Variants in GET1 observed in about 807,000 individuals in gnomAD.
GET1 encodes the protein congenital heart disease 5 protein.
Under a neutral mutation model 22.6 loss-of-function variants are expected in GET1, and 20 were observed. The observed-to-expected ratio is 0.89, with a 90% CI of 0.62 to 1.29. GET1 has a LOEUF of 1.29. Ranked by LOEUF, GET1 falls within the 50% of genes most tolerant of loss-of-function variation. GET1 has a pLI of 0.00. For synonymous variants in GET1, 92 were observed against 83.8 expected (o/e 1.10, Z -0.53); for missense variants, 209 against 219.9 (o/e 0.95, Z 0.31).
chr21:39,406,650 A>T, downstream of GET1: 1 of 1,465,400 alleles, frequency 6.8e-7, no homozygotes, highest in Non-Finnish European at 9.2e-7. Flanking sequence ...GCTGTTTAAA[A>T]TGAATGGATC....
intron 1 of GET1, among the ~76,000 whole-genome samples, chr21:39,416,894 G>C (rs1411204806): frequency 6.6e-6 from 1 of 152,140 alleles, no homozygotes; most frequent in Non-Finnish European, 1.5e-5. Context: ...ACTTGGAATG[G>C]CTTCTTTCTG....
chr21:39,406,056 T>G, exon 5 of GET1: 1 of 1,614,174 alleles, frequency 6.2e-7, no homozygotes, highest in Non-Finnish European at 8.5e-7. Context: ...CAGGACTTGA[T>G]TGGTCAGTTT....
chr21:39,399,585 T>C (rs1231601756), downstream of GET1, among the ~76,000 whole-genome samples: 3 of 152,078 alleles, frequency 2.0e-5, no homozygotes, highest in African/African-American at 4.8e-5. Flanking sequence ...GCTGGGACTA[T>C]AGGCTTGCAC....
chr21:39,393,354 T>G, intron 4 of GET1, 74 bp downstream of exon 4: 1 of 1,205,958 alleles, frequency 8.3e-7, no homozygotes, highest in Non-Finnish European at 1.2e-6. Flanking sequence ...GAAGATTAAG[T>G]TAGCCTGACA....
chr21:39,420,549 A>G (rs1219863726), intron 1 of GET1, among the ~76,000 whole-genome samples: 2 of 137,120 alleles, frequency 1.5e-5, no homozygotes, highest in Non-Finnish European at 3.2e-5. Context: ...AAAGATAAAC[A>G]GAACTGTGGA....
At chr21:39,383,099 C>T (rs1249767299) in intron 1 of GET1, among the ~76,000 whole-genome samples, 4 of 151,050 alleles carry the variant, frequency 2.6e-5, no homozygotes, top group Admixed American at 6.6e-5. Flanking sequence ...TACAGGTGCC[C>T]ACCACCACCA....
At chr21:39,428,519 T>A in exon 2 of GET1, 1 of 1,345,050 alleles carries the variant, frequency 7.4e-7, no homozygotes, top group Non-Finnish European at 9.9e-7. Flanking sequence ...AAAAGAAAAG[T>A]AAAACCTAAT....
downstream of GET1, chr21:39,409,941 G>T (rs774569216): frequency 8.4e-7 from 1 of 1,188,320 alleles, no homozygotes; most frequent in South Asian, 1.3e-5. This position sits in a 1 kb window ranked among gnomAD's most constrained non-coding sequence, Gnocchi z 4.2. Flanking sequence ...CAATTTTAAA[G>T]AAATCAGATA....
chr21:39,389,290 T>C (rs941351606), intron 1 of GET1, among the ~76,000 whole-genome samples: 4 of 146,674 alleles, frequency 2.7e-5, no homozygotes, highest in South Asian at 2.1e-4. Context: ...TTTGTCCCCC[T>C]TTTTTTTTTG....
At chr21:39,381,697 G>A (rs1053361425) in intron 1 of GET1, among the ~76,000 whole-genome samples, 4 of 152,142 alleles carry the variant, frequency 2.6e-5, no homozygotes, top group African/African-American at 7.2e-5. Context: ...ATTTTTAGGT[G>A]TACAGTTCAG....
At chr21:39,390,341 G>C (rs569228096) in intron 1 of GET1, among the ~76,000 whole-genome samples, 1 of 152,174 alleles carries the variant, frequency 6.6e-6, no homozygotes, top group Non-Finnish European at 1.5e-5. Flanking sequence ...GAACTTACAA[G>C]AGCTGCGGCA....
At chr21:39,424,390 A>G (rs1227868756) in intron 1 of GET1, among the ~76,000 whole-genome samples, 7 of 152,136 alleles carry the variant, frequency 4.6e-5, no homozygotes, top group African/African-American at 1.7e-4. Flanking sequence ...CCTTGGCGGG[A>G]GGATCCCTTG....
downstream of GET1, among the ~76,000 whole-genome samples, chr21:39,400,240 TATG>T (rs1449786569): frequency 6.6e-6 from 1 of 152,230 alleles, no homozygotes; most frequent in South Asian, 2.1e-4. Context: ...CTTTCTCCCT[TATG>T]GTGGTGGTTT....
At position 39,387,080 on chromosome 21, in the gene GET1, G is replaced by A. The variant is rs375304560; in HGVS notation, c.103-3618G>A. 1.3e-4 allele frequency among the ~76,000 whole-genome samples: 20 copies of A among 152,244 alleles called. No homozygotes were observed. In the East Asian group the frequency reaches 2.5e-3, roughly 19 times the overall value. ...TTGCTATGTTGCCCCGCCTGGTCTC[G>A]AACTCCTGGGCTCAAACGATCTTCC... On this transcript the variant is annotated intron_variant, in intron 1 of 4. Coordinates refer to ENST00000649170, the MANE Select transcript of GET1 (RefSeq NM_004627.6).
chr21:39,427,535 GC>G (rs2074955205), intron 1 of GET1, among the ~76,000 whole-genome samples: 1 of 151,980 alleles, frequency 6.6e-6, no homozygotes, highest in Non-Finnish European at 1.5e-5. Flanking sequence ...GGTGGTGGGT[GC>G]CTGTAGTCCC....
At chr21:39,394,443 A>C (rs1295301208) in intron 4 of GET1, among the ~76,000 whole-genome samples, 1 of 152,168 alleles carries the variant, frequency 6.6e-6, no homozygotes, top group East Asian at 1.9e-4. Context: ...GGCACATCAC[A>C]TGTTGTGCCT....
At chr21:39,423,826 G>A (rs2074159807) in intron 1 of GET1, among the ~76,000 whole-genome samples, 1 of 152,086 alleles carries the variant, frequency 6.6e-6, no homozygotes, top group Admixed American at 6.6e-5. Context: ...TCTAAAATCT[G>A]TACTTAGATT....
At chr21:39,381,315 T>G (rs1456833664) in intron 1 of GET1, among the ~76,000 whole-genome samples, 5 of 152,138 alleles carry the variant, frequency 3.3e-5, no homozygotes, top group African/African-American at 1.2e-4. Flanking sequence ...GAGGAGCTGT[T>G]GGGCAAAGGC....
At chr21:39,392,360 C>T (rs900655734) in intron 3 of GET1, among the ~76,000 whole-genome samples, 1 of 152,132 alleles carries the variant, frequency 6.6e-6, no homozygotes, top group Non-Finnish European at 1.5e-5. Context: ...TTGTGCTGCC[C>T]AGACACCTTT....
Sources: allele counts gnomAD v4.1 joint callset (sites outside exome capture counted in the v4.1 genomes callset), GRCh38; gene constraint gnomAD v4.1.1; non-coding constraint Gnocchi (gnomAD v3.1); transcripts MANE v1.5; gene names NCBI Gene and HGNC (gene_info 2026-07-23, HGNC 2026-07-21).